SLC9A2: variants seen among roughly 807,000 people sequenced by gnomAD.
The protein encoded by SLC9A2 is solute carrier family 9 member A2.
A neutral mutation model predicts 71.7 loss-of-function variants in SLC9A2; 42 were observed. The ratio of observed to expected loss-of-function variants is 0.59; its 90% CI spans 0.46 to 0.76. The LOEUF (loss-of-function observed/expected upper bound fraction) is 0.76. SLC9A2 is among the 30% of genes least tolerant of loss of function. The probability of loss-of-function intolerance (pLI) is 0.00; values close to 1 mark genes in which losing one functional copy is unlikely to be tolerated. For missense variants in SLC9A2, 829 were observed against 1,017.4 expected (o/e 0.81, Z 2.52); for synonymous variants, 396 against 392.5 (o/e 1.01, Z -0.10).
At chr2:102,680,917 G>C (rs1677441621) in intron 3 of SLC9A2, among the ~76,000 whole-genome samples, 1 of 149,236 alleles carries the variant, frequency 6.7e-6, no homozygotes, top group Non-Finnish European at 1.5e-5. Flanking sequence ...GGAATGCAGG[G>C]GGGCCTCTAG....
rs537861763 is a variant in SLC9A2 at position 102,649,384 on chromosome 2, G to A, written c.290-8180G>A. Among the ~76,000 whole-genome samples, 9 of 152,098 alleles carry A rather than the reference G, an allele frequency of 5.9e-5. No individual in the cohort carries two copies. The South Asian group carries it at 8.3e-4, about 14-fold the overall frequency. ...ACCATAAAAACTCTAGAAGAAAACC[G>A]AGGCAATACCATTCAGGACATAGGC... On this transcript the variant is annotated intron_variant, in intron 1 of 11. Coordinates refer to ENST00000233969, the MANE Select transcript of SLC9A2 (RefSeq NM_003048.6).
At chr2:102,662,444 T>C (rs953706133) in intron 2 of SLC9A2, among the ~76,000 whole-genome samples, 3 of 152,122 alleles carry the variant, frequency 2.0e-5, no homozygotes, top group African/African-American at 7.2e-5. Flanking sequence ...TTTCTAGTTT[T>C]GTTGGGGACA....
chr2:102,687,685 A>G (rs1677574438), intron 5 of SLC9A2, among the ~76,000 whole-genome samples: 2 of 152,138 alleles, frequency 1.3e-5, no homozygotes, highest in Admixed American at 6.5e-5. Flanking sequence ...TATCATGAGA[A>G]TTTTCACATT....
chr2:102,637,507 G>A (rs1407635710), intron 1 of SLC9A2, among the ~76,000 whole-genome samples: 4 of 152,290 alleles, frequency 2.6e-5, no homozygotes, highest in East Asian at 1.9e-4. Flanking sequence ...TATAATGCAG[G>A]CAGTGAGGTG....
intron 5 of SLC9A2, among the ~76,000 whole-genome samples, chr2:102,692,083 C>A (rs767250438): frequency 2.0e-5 from 3 of 152,172 alleles, no homozygotes; most frequent in African/African-American, 4.8e-5. Context: ...CCCATCTCTG[C>A]GAACCACATG....
intron 1 of SLC9A2, among the ~76,000 whole-genome samples, chr2:102,636,727 C>G (rs1466607056): frequency 6.6e-6 from 1 of 152,320 alleles, no homozygotes; most frequent in East Asian, 1.9e-4. Context: ...TTGCTTTCAA[C>G]TGCTGGCTGG....
intron 1 of SLC9A2, among the ~76,000 whole-genome samples, chr2:102,654,159 A>G (rs571349801): frequency 3.1e-4 from 44 of 142,634 alleles, no homozygotes; most frequent in Non-Finnish European, 5.8e-4. Context: ...TTGCATTTGG[A>G]TATTAGGGGA....
In SLC9A2 at chr2:102,619,582, G is replaced by A; in HGVS notation, c.-267G>A. The A allele has an allele frequency of 3.2e-6, 1 of 311,510 alleles. No individual in the cohort carries two copies. Among genetic ancestry groups the A allele is most frequent in the East Asian group, 5.1e-5 (1 of 19,448 alleles). The allele number at this position is 311,510 out of a possible 1,614,324, so 19.3% of individuals were successfully genotyped here. ...AGCAGCGCACCGGCATGGGCAGGCG[G>A]CCGGCGGCGGAGGGCGGCTGAGGGC... is the stretch of plus-strand genomic sequence containing the variant. On this transcript the variant is annotated 5_prime_UTR_variant, in exon 1 of 12. Transcript: ENST00000233969. The surrounding 1 kb of genome is among the most constrained non-coding windows in gnomAD (Gnocchi z 4.3).
intron 1 of SLC9A2, among the ~76,000 whole-genome samples, chr2:102,623,051 C>T (rs1377280968): frequency 2.0e-5 from 3 of 152,180 alleles, no homozygotes; most frequent in African/African-American, 7.2e-5. Flanking sequence ...ATTTGTCTCT[C>T]CACTAGCATC....
chr2:102,655,644 G>A (rs1312339109), intron 1 of SLC9A2, among the ~76,000 whole-genome samples: 1 of 152,062 alleles, frequency 6.6e-6, no homozygotes, highest in Non-Finnish European at 1.5e-5. Context: ...TCATATATGT[G>A]GTCAATTGTT....
At chr2:102,666,435 G>A (rs1249310893) in intron 3 of SLC9A2, among the ~76,000 whole-genome samples, 2 of 152,158 alleles carry the variant, frequency 1.3e-5, no homozygotes, top group African/African-American at 4.8e-5. Flanking sequence ...CTGACCACGC[G>A]ATCCACCCCC....
intron 7 of SLC9A2, among the ~76,000 whole-genome samples, chr2:102,698,521 A>C (rs1031148113): frequency 6.6e-6 from 1 of 152,188 alleles, no homozygotes; most frequent in East Asian, 1.9e-4. Context: ...ATTAAAGTGC[A>C]TGAGTCAAGA....
At chr2:102,658,127 A>G (rs1401276192) in intron 2 of SLC9A2, 100 bp downstream of exon 2, 5 of 868,144 alleles carry the variant, frequency 5.8e-6, no homozygotes, top group African/African-American at 1.7e-5. Context: ...GACCCTGCAC[A>G]CAGGGTGGTT....
At chr2:102,647,636 C>T (rs956680304) in intron 1 of SLC9A2, among the ~76,000 whole-genome samples, 7 of 149,382 alleles carry the variant, frequency 4.7e-5, no homozygotes, top group Non-Finnish European at 8.8e-5. Flanking sequence ...ATCAAATAGA[C>T]ACAATAAAAA....
intron 1 of SLC9A2, among the ~76,000 whole-genome samples, chr2:102,654,059 G>A (rs992465632): frequency 1.3e-5 from 2 of 152,164 alleles, no homozygotes; most frequent in Non-Finnish European, 2.9e-5. Context: ...GGAGGGCTGG[G>A]TTTCAAGTAA....
chr2:102,628,459 T>C (rs79771397), intron 1 of SLC9A2, among the ~76,000 whole-genome samples: 2,158 of 152,238 alleles, frequency 0.014, 55 homozygotes, highest in African/African-American at 0.049. Context: ...GATTATTCAA[T>C]GAAACTCTTC....
rs1329369176 is a variant in SLC9A2, at chr2:102,692,337, A to ATG, written c.1426-2073_1426-2072dup. On this transcript the variant is annotated intron_variant, in intron 5 of 11. Transcript: ENST00000233969. ...CCAATCACCTCCTTTAAAAAAATGG[A>ATG]TGTGTATGTGTGTCTCAGTCAGTTT... is the stretch of plus-strand genomic sequence containing the variant. 1.7e-4 allele frequency among the ~76,000 whole-genome samples: 26 copies of ATG among 152,148 alleles called. 1 individual carries two copies. The highest frequency in any genetic ancestry group is 1.5e-5 in the Non-Finnish European group (1 of 68,028).
chr2:102,637,726 G>T (rs1676495319), intron 1 of SLC9A2, among the ~76,000 whole-genome samples: 1 of 152,208 alleles, frequency 6.6e-6, no homozygotes, highest in African/African-American at 2.4e-5. Flanking sequence ...GGGACAGGGA[G>T]GCACCCCTGG....
At chr2:102,646,963 A>C (rs1676738348) in intron 1 of SLC9A2, among the ~76,000 whole-genome samples, 1 of 152,030 alleles carries the variant, frequency 6.6e-6, no homozygotes, top group Admixed American at 6.6e-5. Flanking sequence ...GGCAAAGCAG[A>C]CCTAATAGAT....
Sources: allele counts gnomAD v4.1 joint callset (sites outside exome capture counted in the v4.1 genomes callset), GRCh38; gene constraint gnomAD v4.1.1; non-coding constraint Gnocchi (gnomAD v3.1); transcripts MANE v1.5; gene names NCBI Gene and HGNC (gene_info 2026-07-23, HGNC 2026-07-21).